Variants in MAP1A observed in about 807,000 individuals in gnomAD.
The protein encoded by MAP1A is microtubule associated protein 1A, also known as microtubule-associated protein 1A.
A neutral mutation model predicts 185.9 loss-of-function variants in MAP1A; 42 were observed. That is an observed-to-expected ratio of 0.23 (90% confidence interval 0.18 to 0.29). MAP1A has a LOEUF of 0.29. MAP1A is among the 10% of genes least tolerant of loss of function. The pLI is 1.00. For synonymous variants in MAP1A, 1,229 were observed against 1,335.9 expected, an observed-to-expected ratio of 0.92 and a Z score of 1.74; for missense variants, 2,995 against 3,450.4, an observed-to-expected ratio of 0.87 and a Z score of 3.31.
chr15:43,520,549 TA>T, intron 1 of MAP1A, 91 bp from the exon 2 acceptor site: 1 of 858,192 alleles, frequency 1.2e-6, no homozygotes, highest in Non-Finnish European at 1.9e-6. Flanking sequence ...CTCTTTCGTC[TA>T]AGCCCCATTT....
upstream of MAP1A, among the ~76,000 whole-genome samples, chr15:43,512,980 T>C (rs2079287305): frequency 6.6e-6 from 1 of 152,212 alleles, no homozygotes; most frequent in Non-Finnish European, 1.5e-5. Context: ...TGTTAGGCAC[T>C]ACCATTCCAT....
At chr15:43,511,314 T>C (rs951897065) in intron 1 of MAP1A, 3 of 1,013,790 alleles carry the variant, frequency 3.0e-6, no homozygotes, top group African/African-American at 1.6e-5. Context: ...TACGTCTGCA[T>C]CTCCATCCCT....
At chr15:43,513,065 A>G (rs908967346), upstream of MAP1A, among the ~76,000 whole-genome samples, 46 of 152,336 alleles carry the variant, frequency 3.0e-4, no homozygotes, top group African/African-American at 1.1e-3. Context: ...CACAGTGCTC[A>G]CACCTGTAAT....
rs749871617 is a variant in MAP1A, at chr15:43,523,207, C to T, written c.1734C>T (p.Pro578=). 3.7e-6 allele frequency: 6 copies of T among 1,614,156 alleles called. No homozygotes were observed. In the East Asian group the frequency reaches 1.1e-4, roughly 30 times the overall value. The change falls in exon 4 of 6, where the codon CCC becomes CCT. Residue 578 remains proline (P), a synonymous_variant. Coordinates refer to ENST00000300231, the MANE Select transcript of MAP1A (RefSeq NM_002373.6). The stretch of plus-strand genomic sequence containing the variant: ...GTACAGCTATCCAGGGAACACCACC[C>T]TCTGTTCCAGGGCTGGGACAAGAAG... ...PPSTAIQGTP[P]SVPGLGQEEH... is the part of the protein sequence containing the mutation.
In MAP1A at chr15:43,523,246, G is replaced by A; in HGVS notation, c.1773G>A (p.Lys591=). Residue 591 remains lysine, a synonymous_variant, in exon 4 of 6, where the codon AAG becomes AAA. Coordinates refer to ENST00000300231, the MANE Select transcript of MAP1A (RefSeq NM_002373.6). ...TGGGACAAGAAGAACATGTGATGAA[G>A]GAGAAAGAGCTTGTCCCAGAGGTCC... is the stretch of plus-strand genomic sequence containing the variant. ...PGLGQEEHVM[K]EKELVPEVPE... The A allele has an allele frequency of 6.2e-7, 1 of 1,614,026 alleles. No individual in the cohort carries two copies. Among genetic ancestry groups the A allele is most frequent in the Non-Finnish European group, 8.5e-7 (1 of 1,179,962 alleles).
Position 43,527,566 on chromosome 15 carries a change from A to G in MAP1A, c.6093A>G (p.Pro2031=), listed in dbSNP as rs1178178579. 6.2e-7 allele frequency: 1 copy of G among 1,614,100 alleles called. No homozygotes were observed. The highest frequency in any genetic ancestry group is 2.2e-5 in the East Asian group (1 of 44,880). ...CCAAGAGCCTCCAGTCTGACACTCC[A>G]ACCTTCAGCTATGCAGCCCTGGCAG... ...ISPKSLQSDT[P]TFSYAALAGP... is the part of the protein sequence containing the mutation. Residue 2031 remains proline, a synonymous_variant, in exon 4 of 6, where the codon CCA becomes CCG. Transcript: ENST00000300231.
In MAP1A at chr15:43,520,683, T is replaced by C; in HGVS notation, c.-332T>C. 2 of 1,550,534 alleles carry C rather than the reference T, an allele frequency of 1.3e-6. No individual in the cohort carries two copies. The highest frequency in any genetic ancestry group is 1.7e-6 in the Non-Finnish European group (2 of 1,146,744). On this transcript the variant is annotated 5_prime_UTR_variant, in exon 2 of 6. Coordinates refer to ENST00000300231, the MANE Select transcript of MAP1A (RefSeq NM_002373.6). The stretch of plus-strand genomic sequence containing the variant: ...CACCAGAGTGAGATCCTAGAGACCA[T>C]CATCCTGGTAAATCCCAGTGCAGAC...
chr15:43,526,717 G>A lies in MAP1A; in HGVS notation c.5244G>A (p.Arg1748=), dbSNP rs752408284. The A allele has an allele frequency of 2.5e-6, 4 of 1,614,044 alleles. No individual in the cohort carries two copies. The Admixed American group carries it at 6.7e-5, about 27-fold the overall frequency. ...TACCCCTGCGGGAACACGCAACCCG[G>A]AGCCCCTGGGCCTCAGACTTCAAGG... is the stretch of plus-strand genomic sequence containing the variant. ...QEVPLREHAT[R]SPWASDFKDF... Residue 1748 remains arginine, a synonymous_variant, in exon 4 of 6, where the codon CGG becomes CGA. Coordinates refer to ENST00000300231, the MANE Select transcript of MAP1A (RefSeq NM_002373.6). This position sits in a 1 kb window ranked among gnomAD's most constrained non-coding sequence, Gnocchi z 4.7.
intron 1 of MAP1A, 71 bp downstream of exon 1, chr15:43,517,771 A>G (rs1484685395): frequency 1.1e-5 from 5 of 461,176 alleles, no homozygotes; most frequent in Non-Finnish European, 1.1e-5. Context: ...GGGGTCATGG[A>G]AAGGGTGCTG....
chr15:43,519,693 G>T (rs2079312098), intron 1 of MAP1A, among the ~76,000 whole-genome samples: 1 of 152,190 alleles, frequency 6.6e-6, no homozygotes, highest in Non-Finnish European at 1.5e-5. Flanking sequence ...TTCATGTGAG[G>T]CTGGAGAAGG....
rs2079354992 is a variant in MAP1A at position 43,528,281 on chromosome 15, A to G, written c.6808A>G (p.Ser2270Gly). The stretch of plus-strand genomic sequence containing the variant: ...TGAGGCTACCACGCCTGTGATTTCA[A>G]GTGTGGCGGAGCGCTTCTCTCCAAG... ...SSEATTPVISSVAERFSPSLE... is the reference protein window; with the variant it reads ...SSEATTPVISGVAERFSPSLE... Residue 2270 changes from serine (S) to glycine (G), a missense_variant, in exon 4 of 6, where the codon AGT (serine) becomes GGT (glycine). Ser to Gly is a moderately conservative substitution (Grantham distance 56, BLOSUM62 0). Coordinates refer to ENST00000300231, the MANE Select transcript of MAP1A (RefSeq NM_002373.6). 4.3e-6 allele frequency: 7 copies of G among 1,614,020 alleles called. No individual in the cohort carries two copies. Among genetic ancestry groups the G allele is most frequent in the Non-Finnish European group, 5.9e-6 (7 of 1,180,026 alleles).
exon 1 of MAP1A, chr15:43,511,063 T>A (rs774382727): frequency 1.9e-6 from 3 of 1,549,418 alleles, no homozygotes; most frequent in South Asian, 2.4e-5. Flanking sequence ...GGCTCCGAAG[T>A]CCCGGCGCAC....
intron 1 of MAP1A, among the ~76,000 whole-genome samples, chr15:43,519,902 T>C (rs1257006710): frequency 6.6e-6 from 1 of 152,216 alleles, no homozygotes; most frequent in African/African-American, 2.4e-5. Flanking sequence ...ATCTGGCCTC[T>C]CTGAAACTTT....
chr15:43,523,560 G>A lies in MAP1A; in HGVS notation c.2087G>A (p.Arg696Gln), dbSNP rs377353500. 4.9e-5 allele frequency: 79 copies of A among 1,614,042 alleles called. No individual in the cohort carries two copies. The highest frequency in any genetic ancestry group is 5.8e-5 in the Non-Finnish European group (68 of 1,180,026). ...CCCTTGAAGGTAACTCCAAGGAGCCGGGAGGCTTTTGGGGGTCGGGAATTG... is the reference window on the plus strand; with the variant it reads ...CCCTTGAAGGTAACTCCAAGGAGCCAGGAGGCTTTTGGGGGTCGGGAATTG... ...QEPLKVTPRSREAFGGRELGL... is the reference protein window; with the variant it reads ...QEPLKVTPRSQEAFGGRELGL... The change falls in exon 4 of 6, where the codon CGG (arginine) becomes CAG (glutamine). Residue 696 changes from arginine (R) to glutamine (Q), a missense_variant. Physicochemically the swap from Arg to Gln is conservative, Grantham distance 43. This residue lies in a region of MAP1A where 2,728 missense variants were observed against 2,986.0 expected (regional missense o/e 0.91). Transcript: ENST00000300231.
At position 43,527,888 on chromosome 15, in the gene MAP1A, T is replaced by C. The variant is rs1406585711; in HGVS notation, c.6415T>C (p.Trp2139Arg). The C allele has an allele frequency of 2.5e-6, 4 of 1,614,136 alleles. No individual in the cohort carries two copies. The highest frequency in any genetic ancestry group is 3.4e-6 in the Non-Finnish European group (4 of 1,180,008). ...CATTCCTATGGGGTCCCCCACATTA[T>C]GGCCAGAAACTGAGGCACATGTTAG... Reference protein sequence around the residue: ...HPIPMGSPTLWPETEAHVSPP... With the variant: ...HPIPMGSPTLRPETEAHVSPP... Residue 2139 changes from tryptophan (W) to arginine (R), a missense_variant, in exon 4 of 6, where the codon TGG becomes CGG. By Grantham distance (101) the Trp-to-Arg change is moderately radical. Around this residue, in one of 3 missense-constraint regions of MAP1A, gnomAD observed 2,728 missense variants for 2,986.0 expected, o/e 0.91. Transcript: ENST00000300231.
In MAP1A at chr15:43,528,057, C is replaced by T. The variant is rs2079353613; in HGVS notation, c.6584C>T (p.Ala2195Val). 2 of 1,614,028 alleles carry T rather than the reference C, an allele frequency of 1.2e-6. No homozygotes were observed. The highest frequency in any genetic ancestry group is 1.7e-6 in the Non-Finnish European group (2 of 1,180,022). ...CGCTCGGCACCCTGTGGCTCCCTTG[C>T]CTTCTCTGGGGATCGAGCTCTGGCT... ...EPRSAPCGSL[A>V]FSGDRALALA... Residue 2195 changes from alanine (A) to valine (V), a missense_variant, in exon 4 of 6, where the codon GCC becomes GTC. Physicochemically the swap from Ala to Val is moderately conservative, Grantham distance 64. Coordinates refer to ENST00000300231, the MANE Select transcript of MAP1A (RefSeq NM_002373.6).
chr15:43,528,095 C>G lies in MAP1A; in HGVS notation c.6622C>G (p.Pro2208Ala), dbSNP rs201678502. The change falls in exon 4 of 6, where the codon CCC becomes GCC. Residue 2208 changes from proline to alanine, a missense_variant. Pro to Ala is a conservative substitution (Grantham distance 27). Transcript: ENST00000300231. ...GDRALALAPG[P>A]PTRTRHDEYL... ...TCGAGCTCTGGCTCTGGCTCCAGGA[C>G]CCCCCACCAGAACCCGGCATGATGA... 6.2e-7 allele frequency: 1 copy of G among 1,613,894 alleles called. No homozygotes were observed. The highest frequency in any genetic ancestry group is 1.1e-5 in the South Asian group (1 of 91,084).
Position 43,527,973 on chromosome 15 carries a change from C to G in MAP1A, c.6500C>G (p.Ala2167Gly). Residue 2167 changes from alanine (A) to glycine (G), a missense_variant, in exon 4 of 6, where the codon GCC becomes GGC. This residue lies in a region of MAP1A where 2,728 missense variants were observed against 2,986.0 expected (regional missense o/e 0.91). Transcript: ENST00000300231. The part of the protein sequence containing the change: ...ARPSLDFPAS[A>G]FGFSSLQPAP... The stretch of plus-strand genomic sequence containing the variant: ...CCCAGTCTGGACTTCCCTGCTTCAG[C>G]CTTTGGCTTCTCCTCATTGCAGCCA... 1 of 1,614,094 alleles carries G rather than the reference C, an allele frequency of 6.2e-7. No individual in the cohort carries two copies. Among genetic ancestry groups the G allele is most frequent in the South Asian group, 1.1e-5 (1 of 91,090 alleles).
At chr15:43,514,785 C>T (rs548897531), upstream of MAP1A, among the ~76,000 whole-genome samples, 2 of 152,260 alleles carry the variant, frequency 1.3e-5, no homozygotes, top group Non-Finnish European at 2.9e-5. Flanking sequence ...CTGGATCTTC[C>T]GAGCATTCTA....
Sources: allele counts gnomAD v4.1 joint callset (sites outside exome capture counted in the v4.1 genomes callset), GRCh38; gene constraint gnomAD v4.1.1; regional missense constraint gnomAD v4.1.1; non-coding constraint Gnocchi (gnomAD v3.1); transcripts MANE v1.5; gene names NCBI Gene and HGNC (gene_info 2026-07-23, HGNC 2026-07-21).